CDH18: variants seen among roughly 807,000 people sequenced by gnomAD.
CDH18 encodes the protein cadherin-18.
Under a neutral mutation model 67.9 loss-of-function variants are expected in CDH18, and 31 were observed. The observed-to-expected ratio is 0.46, with a 90% CI of 0.34 to 0.62. The LOEUF is 0.62. CDH18 is among the 20% of genes least tolerant of loss of function. The probability of loss-of-function intolerance (pLI) is 0.01; values close to 1 mark genes in which losing one functional copy is unlikely to be tolerated. For missense variants in CDH18, 890 were observed against 975.5 expected, an observed-to-expected ratio of 0.91 and a Z score of 1.17; for synonymous variants, 362 against 347.2, an observed-to-expected ratio of 1.04 and a Z score of -0.48.
chr5:19,624,655 G>A (rs1424104251), intron 5 of CDH18, among the ~76,000 whole-genome samples: 3 of 152,166 alleles, frequency 2.0e-5, no homozygotes, highest in Non-Finnish European at 4.4e-5. Flanking sequence ...GAAAGGTTGA[G>A]ATAGTTCTGA....
chr5:20,353,384 T>C (rs1224533992), intron 1 of CDH18, among the ~76,000 whole-genome samples: 1 of 152,222 alleles, frequency 6.6e-6, no homozygotes, highest in African/African-American at 2.4e-5. Context: ...TAAGATGTTA[T>C]GCACCACTTC....
intron 1 of CDH18, among the ~76,000 whole-genome samples, chr5:20,400,670 G>A (rs564699580): frequency 1.4e-4 from 21 of 151,582 alleles, no homozygotes; most frequent in East Asian, 1.9e-4. Context: ...GCTGAGGCAC[G>A]ATAATTGTTT....
rs141473018 is a variant in CDH18 at position 20,068,279 on chromosome 5, CAAGTGGAAAGACTG to C, written c.-517-76279_-517-76266del. ...CATGTACAATATCGCACAGATATTA[CAAGTGGAAAGACTG>C]AAGACTATACAGAAAAAGGTAAAGA... On this transcript the variant is annotated intron_variant, in intron 2 of 14. Coordinates refer to the CDH18 transcript ENST00000507958. Among the ~76,000 whole-genome samples the C allele has an allele frequency of 7.8e-3, 1,182 of 151,924 alleles. 15 individuals carry two copies. Among genetic ancestry groups the C allele is most frequent in the African/African-American group, 0.027 (1,124 of 41,436 alleles).
At chr5:20,412,270 A>G (rs951277567) in intron 1 of CDH18, among the ~76,000 whole-genome samples, 3 of 152,228 alleles carry the variant, frequency 2.0e-5, no homozygotes, top group African/African-American at 7.2e-5. Context: ...CAATAGGGAA[A>G]GGACATAGTG....
At chr5:20,291,949 C>T (rs1747135452) in intron 1 of CDH18, among the ~76,000 whole-genome samples, 1 of 152,086 alleles carries the variant, frequency 6.6e-6, no homozygotes, top group African/African-American at 2.4e-5. Context: ...GAGTTTTGAC[C>T]TCTTTCCCGT....
intron 2 of CDH18, among the ~76,000 whole-genome samples, chr5:19,917,152 C>A (rs1317235780): frequency 6.6e-6 from 1 of 152,102 alleles, no homozygotes; most frequent in Non-Finnish European, 1.5e-5. Context: ...AAAAGTGATA[C>A]ATAGTGACTT....
intron 1 of CDH18, among the ~76,000 whole-genome samples, chr5:20,558,026 T>C (rs535613497): frequency 1.7e-4 from 24 of 143,632 alleles, no homozygotes; most frequent in African/African-American, 3.8e-4. Context: ...CATTAAATGT[T>C]ATAGTTATAT....
intron 3 of CDH18, among the ~76,000 whole-genome samples, chr5:19,801,570 T>C (rs10941492): frequency 0.53 from 80,417 of 152,046 alleles, 21,840 homozygotes; most frequent in Middle Eastern, 0.67. Flanking sequence ...TTAAAATCTC[T>C]TGATGTGATT....
intron 2 of CDH18, among the ~76,000 whole-genome samples, chr5:20,063,317 T>C (rs1742671273): frequency 6.6e-6 from 1 of 151,844 alleles, no homozygotes; most frequent in South Asian, 2.1e-4. Flanking sequence ...TACTTTTTAA[T>C]TTATTAAATT....
chr5:19,962,453 C>T (rs1030430798), intron 2 of CDH18, among the ~76,000 whole-genome samples: 31 of 137,570 alleles, frequency 2.3e-4, no homozygotes, highest in Non-Finnish European at 3.9e-4. Context: ...TAAAATTTTA[C>T]ATTGCATAGC....
chr5:19,508,648 C>T (rs1378795164), intron 10 of CDH18, among the ~76,000 whole-genome samples: 1 of 151,958 alleles, frequency 6.6e-6, no homozygotes, highest in Non-Finnish European at 1.5e-5. Context: ...GATGTATCCA[C>T]TTTTAAAAAT....
chr5:19,898,920 C>T (rs1190075523), intron 2 of CDH18, among the ~76,000 whole-genome samples: 2 of 152,054 alleles, frequency 1.3e-5, no homozygotes, highest in Non-Finnish European at 2.9e-5. Flanking sequence ...TTAAGAGGCT[C>T]ATTACAAAAT....
intron 2 of CDH18, among the ~76,000 whole-genome samples, chr5:20,087,669 G>C (rs890917605): frequency 6.6e-6 from 1 of 152,118 alleles, no homozygotes; most frequent in Non-Finnish European, 1.5e-5. Context: ...TAGCAATAAA[G>C]TATTTTTGAA....
chr5:20,041,680 G>A (rs140045552), intron 2 of CDH18, among the ~76,000 whole-genome samples: 4 of 149,098 alleles, frequency 2.7e-5, no homozygotes, highest in Non-Finnish European at 6.0e-5. Context: ...CTCTCAAAAC[G>A]CACTTTTAAA....
chr5:19,883,883 A>G (rs1323395175), intron 2 of CDH18, among the ~76,000 whole-genome samples: 1 of 152,144 alleles, frequency 6.6e-6, no homozygotes, highest in Non-Finnish European at 1.5e-5. Flanking sequence ...ATGCTAATAT[A>G]TAATATTAAA....
At chr5:19,615,099 A>C (rs1749608103) in intron 5 of CDH18, among the ~76,000 whole-genome samples, 1 of 151,580 alleles carries the variant, frequency 6.6e-6, no homozygotes. Flanking sequence ...GTGAGCCAAG[A>C]TTGCGCCACT....
At chr5:19,662,388 C>T (rs915923286) in intron 5 of CDH18, among the ~76,000 whole-genome samples, 3 of 151,976 alleles carry the variant, frequency 2.0e-5, no homozygotes, top group African/African-American at 7.2e-5. Flanking sequence ...GGGTCATCTA[C>T]TCTCAGAGTG....
intron 1 of CDH18, among the ~76,000 whole-genome samples, chr5:20,415,283 A>G (rs1031116459): frequency 2.0e-5 from 3 of 152,104 alleles, no homozygotes; most frequent in Admixed American, 2.0e-4. Context: ...GCTACTCGGG[A>G]GGCTGAGGCA....
intron 12 of CDH18, among the ~76,000 whole-genome samples, chr5:19,474,510 T>A (rs1738113488): frequency 6.6e-6 from 1 of 152,002 alleles, no homozygotes; most frequent in Non-Finnish European, 1.5e-5. Context: ...CAGTAGGACA[T>A]AAATAACTTC....
Sources: allele counts gnomAD v4.1 joint callset (sites outside exome capture counted in the v4.1 genomes callset), GRCh38; gene constraint gnomAD v4.1.1; transcripts MANE v1.5; gene names NCBI Gene and HGNC (gene_info 2026-07-23, HGNC 2026-07-21).